PPP2R2C: variants seen among roughly 807,000 people sequenced by gnomAD.
The protein encoded by PPP2R2C is protein phosphatase 2, regulatory subunit B, gamma.
In PPP2R2C, 10 loss-of-function variants were observed where a neutral mutation model predicts 45.3. The observed-to-expected ratio is 0.22, with a 90% CI of 0.14 to 0.37. The LOEUF is 0.37. Among genes scored for constraint, PPP2R2C ranks in the 10% least tolerant of loss-of-function variants. The pLI is 1.00. For missense variants in PPP2R2C, 308 were observed against 619.7 expected (o/e 0.50, Z 5.34); for synonymous variants, 257 against 245.4 (o/e 1.05, Z -0.44).
chr4:6,433,271 T>A (rs897393723), intron 1 of PPP2R2C, among the ~76,000 whole-genome samples: 1 of 152,164 alleles, frequency 6.6e-6, no homozygotes, highest in Non-Finnish European at 1.5e-5. Flanking sequence ...TTCCCTGCTA[T>A]TTACCTAGAA....
chr4:6,510,997 A>C (rs1401665559), intron 2 of PPP2R2C, among the ~76,000 whole-genome samples: 4 of 133,062 alleles, frequency 3.0e-5, no homozygotes, highest in African/African-American at 1.2e-4. Context: ...AAACAAACAA[A>C]CAAAAAAAAA....
In PPP2R2C at chr4:6,517,598, G is replaced by A. The variant is rs151321612; in HGVS notation, c.49+17673C>T. 7.4e-4 allele frequency among the ~76,000 whole-genome samples: 113 copies of A among 152,248 alleles called. 2 individuals carry two copies. The East Asian group carries it at 0.02, about 27-fold the overall frequency. ...GAGGTTCTAAGAGGTGAGAGGGCCC[G>A]GCCTGCACAACTAGGAAAAAAAAGA... On this transcript the variant is annotated intron_variant, in intron 2 of 9. Transcript: ENST00000506140.
chr4:6,389,129 C>T (rs1043164588), intron 1 of PPP2R2C, among the ~76,000 whole-genome samples: 1 of 152,220 alleles, frequency 6.6e-6, no homozygotes, highest in Non-Finnish European at 1.5e-5. Flanking sequence ...CTCTCTGAGC[C>T]CTGACTGCCT....
intron 1 of PPP2R2C, among the ~76,000 whole-genome samples, chr4:6,405,946 G>T (rs1428194949): frequency 6.6e-6 from 1 of 151,608 alleles, no homozygotes; most frequent in East Asian, 1.9e-4. Context: ...CCTGGCAGCA[G>T]GGGGGTCTCT....
rs182868266 is a variant in PPP2R2C at position 6,387,338 on chromosome 4, G to A, written c.71-6244C>T. On this transcript the variant is annotated intron_variant, in intron 1 of 8. Coordinates refer to ENST00000382599, the MANE Select transcript of PPP2R2C (RefSeq NM_020416.4). ...GCAAACTACTGGAAACTGAAATAAT[G>A]AGAAAATGTTAAAGCAGCTAGAATA... Among the ~76,000 whole-genome samples, 290 of 152,276 alleles carry A rather than the reference G, an allele frequency of 1.9e-3. 3 individuals carry two copies. Among genetic ancestry groups the A allele is most frequent in the African/African-American group, 6.8e-3 (282 of 41,574 alleles).
rs547745215 is a variant in PPP2R2C at position 6,524,349 on chromosome 4, T to C, written c.49+10922A>G. Among the ~76,000 whole-genome samples, 5 of 152,334 alleles carry C rather than the reference T, an allele frequency of 3.3e-5. No homozygotes were observed. In the East Asian group the frequency reaches 9.6e-4, roughly 29 times the overall value. ...CCATGCACTGTCCAGAACAGGCAGA[T>C]TCACCGCAACAGAAAGTGGACTCAT... On this transcript the variant is annotated intron_variant, in intron 2 of 9. Transcript: ENST00000506140.
intron 1 of PPP2R2C, among the ~76,000 whole-genome samples, chr4:6,421,541 G>T (rs1268543848): frequency 6.6e-6 from 1 of 152,116 alleles, no homozygotes; most frequent in Admixed American, 6.6e-5. Flanking sequence ...GGCACTCTGC[G>T]GGCAGCCAAA....
chr4:6,325,494 C>T (rs1042886404), intron 8 of PPP2R2C, among the ~76,000 whole-genome samples: 1 of 152,148 alleles, frequency 6.6e-6, no homozygotes, highest in Non-Finnish European at 1.5e-5. Flanking sequence ...GAGGCAGCCC[C>T]CTTTGTTCTT....
At chr4:6,413,898 C>G (rs1233431886) in intron 1 of PPP2R2C, 2 of 1,536,136 alleles carry the variant, frequency 1.3e-6, no homozygotes, top group Non-Finnish European at 1.7e-6. Context: ...ACAGCCCCTG[C>G]TCACCCGTGT....
chr4:6,385,931 T>C (rs1421115033), intron 1 of PPP2R2C, among the ~76,000 whole-genome samples: 1 of 152,194 alleles, frequency 6.6e-6, no homozygotes, highest in East Asian at 1.9e-4. Flanking sequence ...TGCATGGTGC[T>C]GTCTGTGTCC....
At chr4:6,546,652 A>T (rs1443542010) in intron 1 of PPP2R2C, among the ~76,000 whole-genome samples, 1 of 152,202 alleles carries the variant, frequency 6.6e-6, no homozygotes, top group Non-Finnish European at 1.5e-5. Context: ...TATTGGGAAT[A>T]TAAAACAGTA....
intron 1 of PPP2R2C, among the ~76,000 whole-genome samples, chr4:6,454,833 T>C (rs1720932246): frequency 6.6e-6 from 1 of 152,208 alleles, no homozygotes; most frequent in Admixed American, 6.5e-5. Flanking sequence ...AGAGTGGACA[T>C]AAAGCCCTAA....
intron 2 of PPP2R2C, among the ~76,000 whole-genome samples, chr4:6,511,810 G>C (rs1380670500): frequency 4.9e-5 from 1 of 20,410 alleles, no homozygotes; most frequent in African/African-American, 1.7e-4. Flanking sequence ...GGTGGTGTTG[G>C]TGGTGGTGAT....
At chr4:6,352,112 C>T (rs1465162230) in intron 5 of PPP2R2C, among the ~76,000 whole-genome samples, 1 of 152,158 alleles carries the variant, frequency 6.6e-6, no homozygotes, top group South Asian at 2.1e-4. Context: ...TGCCCTCCCC[C>T]GTGTGTAGAC....
intron 1 of PPP2R2C, among the ~76,000 whole-genome samples, chr4:6,535,665 G>A (rs983317349): frequency 1.3e-5 from 2 of 152,198 alleles, no homozygotes; most frequent in African/African-American, 2.4e-5. Context: ...CCCGTCTGTC[G>A]TTTGTCTTCA....
At chr4:6,479,134 GT>G (rs1479714314) in intron 2 of PPP2R2C, among the ~76,000 whole-genome samples, 1 of 152,176 alleles carries the variant, frequency 6.6e-6, no homozygotes, top group African/African-American at 2.4e-5. Context: ...TTTCTCCCAA[GT>G]TACTCAGCTC....
At chr4:6,473,474 G>A (rs893016503), upstream of PPP2R2C, among the ~76,000 whole-genome samples, 1 of 152,184 alleles carries the variant, frequency 6.6e-6, no homozygotes, top group African/African-American at 2.4e-5. Flanking sequence ...AGCCCCAGTG[G>A]GGATTCAGAG....
chr4:6,420,744 T>G (rs987109846), intron 1 of PPP2R2C, among the ~76,000 whole-genome samples: 3 of 152,124 alleles, frequency 2.0e-5, no homozygotes, highest in Non-Finnish European at 4.4e-5. Flanking sequence ...GAGGACTGGT[T>G]AAACATGAGA....
At chr4:6,412,691 G>A (rs556206650) in intron 1 of PPP2R2C, among the ~76,000 whole-genome samples, 286 of 152,246 alleles carry the variant, frequency 1.9e-3, no homozygotes, top group Middle Eastern at 3.4e-3. Context: ...GATTGAGGAC[G>A]GTCACAGATG....
Sources: gnomAD v4.1 joint callset for allele counts (sites outside exome capture counted in the v4.1 genomes callset) on GRCh38, gnomAD v4.1.1 for gene constraint, MANE v1.5 for transcripts, NCBI Gene and HGNC (gene_info 2026-07-23, HGNC 2026-07-21) for gene names.